CTSH: variants seen among roughly 807,000 people sequenced by gnomAD.
CTSH encodes cathepsin H, also known as pro-cathepsin H.
In CTSH, 52 loss-of-function variants were observed where a neutral mutation model predicts 56.3. The observed-to-expected ratio is 0.92, with a 90% CI of 0.74 to 1.16. The LOEUF (loss-of-function observed/expected upper bound fraction) is 1.16, where lower values mean the gene tolerates loss of function less well. Among genes scored for constraint, CTSH ranks in the 50% most tolerant of loss-of-function variants. The pLI is 0.00. For missense variants in CTSH, 406 were observed against 424.5 expected (o/e 0.96, Z 0.38); for synonymous variants, 174 against 155.7 (o/e 1.12, Z -0.88).
chr15:78,940,288 A>G (rs1246945476), intron 1 of CTSH, among the ~76,000 whole-genome samples: 3 of 152,236 alleles, frequency 2.0e-5, no homozygotes, highest in Non-Finnish European at 4.4e-5. Flanking sequence ...ATAAATATTG[A>G]GATTTAAAAA....
chr15:78,934,246 T>C (rs910432794), intron 5 of CTSH, among the ~76,000 whole-genome samples: 4 of 152,220 alleles, frequency 2.6e-5, no homozygotes, highest in Non-Finnish European at 5.9e-5. Context: ...ACATTTCTCA[T>C]GGAGAATTTC....
At position 78,932,168 on chromosome 15, in the gene CTSH, G is replaced by A. The variant is rs1023711484; in HGVS notation, c.492+204C>T. On this transcript the variant is annotated intron_variant, in intron 6 of 11. Transcript: ENST00000220166. Reference sequence around the variant, plus strand: ...CAGATCCATCTAGGAATGAGCCCTTGGGCCGGTTCCTTAATAAACTCAGAT... The same window carrying A: ...CAGATCCATCTAGGAATGAGCCCTTAGGCCGGTTCCTTAATAAACTCAGAT... 3 of 949,282 alleles carry A rather than the reference G, an allele frequency of 3.2e-6. No individual in the cohort carries two copies. The Admixed American group carries it at 8.9e-5, about 28-fold the overall frequency. The allele number at this position is 949,282 out of a possible 1,614,324, so 58.8% of individuals were successfully genotyped here.
intron 1 of CTSH, among the ~76,000 whole-genome samples, chr15:78,943,547 T>C (rs2055336599): frequency 1.3e-5 from 2 of 152,182 alleles, no homozygotes; most frequent in African/African-American, 4.8e-5. Flanking sequence ...CCTGTTTTAG[T>C]ACAGCTCCTG....
intron 4 of CTSH, 35 bp downstream of exon 4, chr15:78,935,645 A>G: frequency 1.3e-6 from 2 of 1,551,450 alleles, no homozygotes; most frequent in Non-Finnish European, 1.8e-6. Context: ...TTTCAGTAAA[A>G]GGATTCAGAT....
intron 8 of CTSH, 67 bp from the exon 9 acceptor site, chr15:78,927,848 T>A: frequency 7.6e-7 from 1 of 1,309,252 alleles, no homozygotes; most frequent in Non-Finnish European, 1.1e-6. Flanking sequence ...CCCACGCAGT[T>A]CAATAACATT....
At chr15:78,925,058 T>G (rs7161986) in intron 10 of CTSH, among the ~76,000 whole-genome samples, 15,606 of 152,190 alleles carry the variant, frequency 0.1, 898 homozygotes, top group East Asian at 0.27. Flanking sequence ...AGCTCTCAAA[T>G]TTTGGCCCTA....
intron 10 of CTSH, among the ~76,000 whole-genome samples, chr15:78,924,773 TC>T (rs1460598330): frequency 1.3e-5 from 2 of 151,758 alleles, no homozygotes; most frequent in African/African-American, 4.8e-5. Flanking sequence ...TAGTGCTACT[TC>T]CACCTCCTAG....
chr15:78,931,662 G>A, intron 6 of CTSH, 156 bp from the exon 7 acceptor site: 2 of 1,503,116 alleles, frequency 1.3e-6, no homozygotes, highest in South Asian at 1.3e-5. Context: ...AGGGACAGTT[G>A]CTGTATGTCC....
At chr15:78,940,447 G>A (rs2055263922) in intron 1 of CTSH, among the ~76,000 whole-genome samples, 1 of 151,376 alleles carries the variant, frequency 6.6e-6, no homozygotes, top group South Asian at 2.1e-4. Context: ...TTAGACGGGA[G>A]AATCACTTGA....
intron 5 of CTSH, among the ~76,000 whole-genome samples, chr15:78,932,830 C>T (rs1184596409): frequency 6.6e-6 from 1 of 152,104 alleles, no homozygotes; most frequent in Non-Finnish European, 1.5e-5. Context: ...ATTCTGCAGT[C>T]TTCTGGCTCT....
rs190446665 is a variant in CTSH, at chr15:78,923,185, A to C, written c.807-67T>G. 3.3e-5 allele frequency: 52 copies of C among 1,582,082 alleles called. No homozygotes were observed. In the East Asian group the frequency reaches 1.2e-3, roughly 35 times the overall value. ...ATAAAAGCAATGACAGTCCCATCCAACAACGCCTCTTTGAGCGCTTTAGAG... is the reference window on the plus strand; with the variant it reads ...ATAAAAGCAATGACAGTCCCATCCACCAACGCCTCTTTGAGCGCTTTAGAG... On this transcript the variant is annotated intron_variant, in intron 10 of 11. Coordinates refer to ENST00000220166, the MANE Select transcript of CTSH (RefSeq NM_004390.5).
intron 1 of CTSH, 29 bp from the exon 2 acceptor site, chr15:78,939,200 G>T (rs549330019): frequency 1.3e-6 from 2 of 1,573,632 alleles, no homozygotes; most frequent in Non-Finnish European, 1.7e-6. Flanking sequence ...AATTAGGTCT[G>T]GGCGCATCAC....
At chr15:78,926,528 C>T (rs2054906668) in intron 9 of CTSH, 1 of 152,234 alleles carries the variant, frequency 6.6e-6, no homozygotes, top group Admixed American at 6.5e-5. Flanking sequence ...CTCCTGGGGA[C>T]CATGCAAAGG....
rs575591687 is a variant in CTSH at position 78,925,620 on chromosome 15, G to A, written c.700-180C>T. 31 of 549,300 alleles carry A rather than the reference G, an allele frequency of 5.6e-5. No homozygotes were observed. The East Asian group carries it at 7.4e-4, about 13-fold the overall frequency. 34.0% of individuals were successfully genotyped at this position (549,300 alleles called of 1,614,324 possible). On this transcript the variant is annotated intron_variant, in intron 9 of 11. Coordinates refer to ENST00000220166, the MANE Select transcript of CTSH (RefSeq NM_004390.5). The stretch of plus-strand genomic sequence containing the variant: ...GGCTGGGTCTGTCTGGCCATCTCTC[G>A]TTCCTCTCCCCAACTCTGCTCCTAG...
chr15:78,932,328 A>AT (rs2055078781), intron 6 of CTSH, 44 bp downstream of exon 6: 2 of 1,558,150 alleles, frequency 1.3e-6, no homozygotes, highest in African/African-American at 1.4e-5. Flanking sequence ...CCACATCAGG[A>AT]TGGGGTGTCC....
At position 78,923,044 on chromosome 15, in the gene CTSH, A is replaced by T. The variant is rs1430807329; in HGVS notation, c.881T>A (p.Ile294Asn). The T allele has an allele frequency of 1.9e-6, 3 of 1,613,372 alleles. No homozygotes were observed. Among genetic ancestry groups the T allele is most frequent in the Non-Finnish European group, 2.5e-6 (3 of 1,179,722 alleles). ...LAVGYGEKNG[I>N]PYWIVKNSWG... is the part of the protein sequence containing the mutation. The stretch of plus-strand genomic sequence containing the variant: ...AGAGTTTTTCACGATCCAGTAAGGG[A>T]TCCCATTTTTTTCTCCATACCCAAC... Residue 294 changes from isoleucine (I) to asparagine (N), a missense_variant, in exon 11 of 12, where the codon ATC becomes AAC. Transcript: ENST00000220166.
At chr15:78,934,257 G>A (rs947333262) in intron 5 of CTSH, among the ~76,000 whole-genome samples, 24 of 152,224 alleles carry the variant, frequency 1.6e-4, no homozygotes, top group Admixed American at 1.4e-3. Context: ...GGAGAATTTC[G>A]ATGGAAAGCC....
Position 78,932,385 on chromosome 15 carries a change from T to C in CTSH, c.479A>G (p.Lys160Arg), listed in dbSNP as rs78155742. The C allele has an allele frequency of 0.023, 36,350 of 1,613,656 alleles. 515 individuals are homozygous for C. The highest frequency in any genetic ancestry group is 0.027 in the Non-Finnish European group (31,513 of 1,179,546). The change falls in exon 6 of 12, where the codon AAG becomes AGG. Residue 160 changes from lysine to arginine, a missense_variant. By Grantham distance (26) the Lys-to-Arg change is conservative. Transcript: ENST00000220166. ...LESAIAIATG[K>R]MLSLAEQQLV... is the part of the protein sequence containing the mutation. ...CTGATTTCTTACCAAGGACAGCATCTTTCCGGTTGCGATGGCGATCGCAGA... is the reference window on the plus strand; with the variant it reads ...CTGATTTCTTACCAAGGACAGCATCCTTCCGGTTGCGATGGCGATCGCAGA...
At position 78,924,705 on chromosome 15, in the gene CTSH, T is replaced by C. The variant is rs540038643; in HGVS notation, c.806+629A>G. The stretch of plus-strand genomic sequence containing the variant: ...TTAAACATGGGTATTTTTTTTTTTT[T>C]CTGAGACAGAGCTTTGCTCTGTCAC... On this transcript the variant is annotated intron_variant, in intron 10 of 11. Transcript: ENST00000220166. Among the ~76,000 whole-genome samples the C allele has an allele frequency of 6.6e-5, 10 of 151,598 alleles. No individual in the cohort carries two copies. In the South Asian group the frequency reaches 1.9e-3, roughly 29 times the overall value.
Sources: gnomAD v4.1 joint callset for allele counts (sites outside exome capture counted in the v4.1 genomes callset) on GRCh38, gnomAD v4.1.1 for gene constraint, MANE v1.5 for transcripts, NCBI Gene and HGNC (gene_info 2026-07-23, HGNC 2026-07-21) for gene names.